The following HSPG2 variants were observed in gnomAD, a reference collection of about 807,000 sequenced individuals.
HSPG2 encodes basement membrane-specific heparan sulfate proteoglycan core protein.
A neutral mutation model predicts 526.6 loss-of-function variants in HSPG2; 278 were observed. The observed-to-expected ratio is 0.53, with a 90% confidence interval of 0.48 to 0.58. The LOEUF (loss-of-function observed/expected upper bound fraction) is 0.58, where lower values mean the gene tolerates loss of function less well. Ranked by LOEUF, HSPG2 falls within the 20% of genes least tolerant of loss-of-function variation. The pLI, the probability that HSPG2 is intolerant of heterozygous loss-of-function variation, is 0.00. For missense variants in HSPG2, 5,354 were observed against 6,099.5 expected, an observed-to-expected ratio of 0.88 and a Z score of 4.07; for synonymous variants, 2,465 against 2,555.4, an observed-to-expected ratio of 0.96 and a Z score of 1.07.
At position 21,823,210 on chromosome 1, in the gene HSPG2, C is replaced by T. The variant is rs1320143250; in HGVS notation, c.*106G>A. ...CCAGGGCGGTAGCAGCAAAGCGTGG[C>T]ATCGCCTCGGTTTCTTACAAAAATT... On this transcript the variant is annotated 3_prime_UTR_variant, in exon 97 of 97. Transcript: ENST00000374695. 1.8e-6 allele frequency: 2 copies of T among 1,106,420 alleles called. No homozygotes were observed. Among genetic ancestry groups the T allele is most frequent in the South Asian group, 2.1e-5 (1 of 47,998 alleles). The allele number at this position is 1,106,420 out of a possible 1,614,324, so 68.5% of individuals were successfully genotyped here.
rs1037230186 is a variant in HSPG2, at chr1:21,904,792, C to T, written c.64-8482G>A. On this transcript the variant is annotated intron_variant, in intron 1 of 96. Transcript: ENST00000374695. The surrounding 1 kb of genome is among the most constrained non-coding windows in gnomAD (Gnocchi z 4.4). ...CCACGGCTGCCGGCAACACCTGCAG[C>T]GTTCACGTGCCAGCCTCCTGCATGC... 2.0e-5 allele frequency among the ~76,000 whole-genome samples: 3 copies of T among 152,148 alleles called. No homozygotes were observed. Among genetic ancestry groups the T allele is most frequent in the South Asian group, 2.1e-4 (1 of 4,826 alleles).
intron 44 of HSPG2, 28 bp from the exon 45 acceptor site, chr1:21,855,940 C>G (rs1272782450): frequency 6.2e-7 from 1 of 1,603,312 alleles, no homozygotes; most frequent in Non-Finnish European, 8.5e-7. Context: ...GGAACATGCA[C>G]TCAGGGTGGG....
chr1:21,908,530 G>A, intron 1 of HSPG2: 1 of 957,350 alleles, frequency 1.0e-6, no homozygotes, highest in African/African-American at 1.6e-5. Flanking sequence ...GAGAACCAAT[G>A]GGAAGGAGCC....
At chr1:21,901,492 A>G (rs543334748) in intron 1 of HSPG2, among the ~76,000 whole-genome samples, 1 of 152,142 alleles carries the variant, frequency 6.6e-6, no homozygotes, top group African/African-American at 2.4e-5. Flanking sequence ...AGGGGTGGGC[A>G]ATAGAATTGG....
intron 13 of HSPG2, among the ~76,000 whole-genome samples, chr1:21,882,993 C>T (rs1008108487): frequency 1.2e-4 from 19 of 152,176 alleles, no homozygotes; most frequent in Non-Finnish European, 2.2e-4. Flanking sequence ...AGGCCTCCTC[C>T]CTCCTGGTCA....
chr1:21,864,063 G>C lies in HSPG2; in HGVS notation c.4740+37C>G. ...CCTGGTCCCCCACCCAGGCCCAGCT[G>C]AGCTGACCCCCTGTCCTGGCCTCGC... On this transcript the variant is annotated intron_variant, in intron 37 of 96. Coordinates refer to ENST00000374695, the MANE Select transcript of HSPG2 (RefSeq NM_005529.7). The surrounding 1 kb of genome is among the most constrained non-coding windows in gnomAD (Gnocchi z 4.8). The C allele has an allele frequency of 6.7e-7, 1 of 1,492,458 alleles. No homozygotes were observed. The highest frequency in any genetic ancestry group is 9.1e-7 in the Non-Finnish European group (1 of 1,095,006). The allele number at this position is 1,492,458 out of a possible 1,614,324, so 92.5% of individuals were successfully genotyped here. A position where few individuals can be genotyped will look rare whatever the true frequency, so the allele number is the denominator to read the frequency against.
intron 1 of HSPG2, among the ~76,000 whole-genome samples, chr1:21,921,117 G>A (rs1569611712): frequency 6.6e-6 from 1 of 152,164 alleles, no homozygotes. Flanking sequence ...CCAGTGGCTC[G>A]CTGCCATTGC....
At chr1:21,922,432 T>C (rs1391186153) in intron 1 of HSPG2, among the ~76,000 whole-genome samples, 1 of 152,194 alleles carries the variant, frequency 6.6e-6, no homozygotes, top group Non-Finnish European at 1.5e-5. Context: ...TTCAGCTCCT[T>C]AGCCAGGGTC....
In HSPG2 at chr1:21,824,164, C is replaced by T. The variant is rs1000882484; in HGVS notation, c.12856G>A (p.Asp4286Asn). Reference sequence around the variant, plus strand: ...TGCCACTCGCCGTCATTGATGGGGTCCTCAGAGACCAGGCGGGCCTCCCCA... The same window carrying T: ...TGCCACTCGCCGTCATTGATGGGGTTCTCAGAGACCAGGCGGGCCTCCCCA... Reference protein sequence around the residue: ...GSGEARLVSEDPINDGEWHRV... With the variant: ...GSGEARLVSENPINDGEWHRV... Residue 4286 changes from aspartate (D) to asparagine (N), a missense_variant, in exon 95 of 97, where the codon GAC (aspartate) becomes AAC (asparagine). Transcript: ENST00000374695. This position sits in a 1 kb window ranked among gnomAD's most constrained non-coding sequence, Gnocchi z 5.9. 6.2e-7 allele frequency: 1 copy of T among 1,613,754 alleles called. No individual in the cohort carries two copies. The highest frequency in any genetic ancestry group is 8.5e-7 in the Non-Finnish European group (1 of 1,180,040).
intron 28 of HSPG2, 64 bp downstream of exon 28, chr1:21,874,342 C>A (rs2445135): frequency 6.3e-7 from 1 of 1,599,838 alleles, no homozygotes; most frequent in Non-Finnish European, 8.5e-7. Flanking sequence ...CTGGATGAAG[C>A]GGGTGTGGGA....
At position 21,895,684 on chromosome 1, in the gene HSPG2, C is replaced by T. The variant is rs1222141379; in HGVS notation, c.244+238G>A. The stretch of plus-strand genomic sequence containing the variant: ...CCCAGCAGAACTGGGCTTTACCTGC[C>T]CAGTGCCCTGATACCTGTGCCTGTG... On this transcript the variant is annotated intron_variant, in intron 3 of 96. Transcript: ENST00000374695. The surrounding 1 kb of genome is among the most constrained non-coding windows in gnomAD (Gnocchi z 4.1). 6.6e-6 allele frequency among the ~76,000 whole-genome samples: 1 copy of T among 152,200 alleles called. No individual in the cohort carries two copies. Among genetic ancestry groups the T allele is most frequent in the Non-Finnish European group, 1.5e-5 (1 of 68,022 alleles).
intron 25 of HSPG2, 74 bp downstream of exon 25, chr1:21,875,555 T>C (rs982916874): frequency 1.9e-6 from 2 of 1,080,702 alleles, no homozygotes; most frequent in Non-Finnish European, 2.8e-6. Flanking sequence ...TGTAAGTGGC[T>C]GTGCTGTACT....
rs2097984482 is a variant in HSPG2, at chr1:21,828,053, A to G, written c.12509T>C (p.Phe4170Ser). The change falls in exon 90 of 97, where the codon TTC becomes TCC. Residue 4170 changes from phenylalanine to serine, a missense_variant. Transcript: ENST00000374695. The surrounding 1 kb of genome is among the most constrained non-coding windows in gnomAD (Gnocchi z 6.0). Reference protein sequence around the residue: ...QGTRCLCLPGFSGPRCQQGSG... With the variant: ...QGTRCLCLPGSSGPRCQQGSG... ...ACCTTGTTGGCAGCGTGGGCCAGAG[A>G]AGCCAGGGAGGCAGAGGCAGCGGGT... The G allele has an allele frequency of 6.2e-6, 10 of 1,613,602 alleles. No homozygotes were observed. The highest frequency in any genetic ancestry group is 8.5e-6 in the Non-Finnish European group (10 of 1,179,976).
At chr1:21,878,855 G>C in intron 18 of HSPG2, 139 bp downstream of exon 18, 1 of 1,257,432 alleles carries the variant, frequency 8.0e-7, no homozygotes, top group Non-Finnish European at 1.1e-6. Context: ...CAGAGGCCTA[G>C]AGAGGTCCAG....
At position 21,851,816 on chromosome 1, in the gene HSPG2, C is replaced by T. The variant is rs776803197; in HGVS notation, c.6981G>A (p.Gly2327=). The T allele has an allele frequency of 1.9e-6, 3 of 1,613,814 alleles. No individual in the cohort carries two copies. Among genetic ancestry groups the T allele is most frequent in the South Asian group, 1.1e-5 (1 of 91,088 alleles). ...GGTAGGCTAAGTTGGCCCCCTGGGTCCCAGTTACTGTGACCGTGATGGAGG... is the reference window on the plus strand; with the variant it reads ...GGTAGGCTAAGTTGGCCCCCTGGGTTCCAGTTACTGTGACCGTGATGGAGG... ...MEASITVTVT[G]TQGANLAYPA... The change falls in exon 54 of 97, where the codon GGG becomes GGA. Residue 2327 remains glycine (G), a synonymous_variant. Coordinates refer to ENST00000374695, the MANE Select transcript of HSPG2 (RefSeq NM_005529.7).
In HSPG2 at chr1:21,822,600, CT is replaced by C; in HGVS notation, c.*715del. 3.8e-6 allele frequency: 1 copy of C among 260,338 alleles called. No individual in the cohort carries two copies. The highest frequency in any genetic ancestry group is 5.2e-5 in the South Asian group (1 of 19,226). The allele number at this position is 260,338 out of a possible 1,614,324, so 16.1% of individuals were successfully genotyped here. On this transcript the variant is annotated 3_prime_UTR_variant, in exon 97 of 97. Transcript: ENST00000374695. ...TGGGCGGGGCCCTATCAGTGCTGGG[CT>C]CTGCCTGTAGCAGCTCCTGGTAAGA...
chr1:21,928,390 T>C (rs1644260706), intron 1 of HSPG2, among the ~76,000 whole-genome samples: 1 of 152,248 alleles, frequency 6.6e-6, no homozygotes, highest in Admixed American at 6.5e-5. Flanking sequence ...GCCTGGGCCT[T>C]CTTGGCCTGC....
rs377625016 is a variant in HSPG2 at position 21,846,198 on chromosome 1, C to T, written c.8374G>A (p.Val2792Met). Reference protein sequence around the residue: ...HVSPADSGEYVCRVMGSSGPL... With the variant: ...HVSPADSGEYMCRVMGSSGPL... The stretch of plus-strand genomic sequence containing the variant: ...CCAGAGCTGCCCATCACCCGGCACA[C>T]GTATTCACCCGAGTCGGCCGGGGAC... The change falls in exon 64 of 97, where the codon GTG becomes ATG. Residue 2792 changes from valine (V) to methionine (M), a missense_variant. Physicochemically the swap from Val to Met is conservative, Grantham distance 21. Transcript: ENST00000374695. 9.7e-5 allele frequency: 157 copies of T among 1,613,104 alleles called. No individual in the cohort carries two copies. The highest frequency in any genetic ancestry group is 3.6e-4 in the East Asian group (16 of 44,886).
At position 21,890,040 on chromosome 1, in the gene HSPG2, C is replaced by G. The variant is rs765663428; in HGVS notation, c.515G>C (p.Gly172Ala). Reference sequence around the variant, plus strand: ...AGAGGTGACGTAGGAGGCCACAGAGCCGCTGGAGATGACCCTGAGCAGCAT... The same window carrying G: ...AGAGGTGACGTAGGAGGCCACAGAGGCGCTGGAGATGACCCTGAGCAGCAT... Reference protein sequence around the residue: ...QEMLLRVISSGSVASYVTSPQ... With the variant: ...QEMLLRVISSASVASYVTSPQ... Residue 172 changes from glycine to alanine, a missense_variant, in exon 6 of 97, where the codon GGC becomes GCC. Coordinates refer to ENST00000374695, the MANE Select transcript of HSPG2 (RefSeq NM_005529.7). This position sits in a 1 kb window ranked among gnomAD's most constrained non-coding sequence, Gnocchi z 4.1. 2 of 1,614,098 alleles carry G rather than the reference C, an allele frequency of 1.2e-6. No homozygotes were observed. The highest frequency in any genetic ancestry group is 3.3e-5 in the Admixed American group (2 of 60,014).
Sources: allele counts gnomAD v4.1 joint callset (sites outside exome capture counted in the v4.1 genomes callset), GRCh38; gene constraint gnomAD v4.1.1; non-coding constraint Gnocchi (gnomAD v3.1); transcripts MANE v1.5; gene names NCBI Gene and HGNC (gene_info 2026-07-23, HGNC 2026-07-21).